The following KIAA0319 variants were observed in gnomAD, a reference collection of about 807,000 sequenced individuals.
KIAA0319 encodes the protein KIAA0319.
A neutral mutation model predicts 108.4 loss-of-function variants in KIAA0319; 83 were observed. That is an observed-to-expected ratio of 0.77 (90% CI 0.64 to 0.92). The LOEUF (loss-of-function observed/expected upper bound fraction) is 0.92, where lower values mean the gene tolerates loss of function less well. Among genes scored for constraint, KIAA0319 ranks in the 40% least tolerant of loss-of-function variants. The pLI, the probability that KIAA0319 is intolerant of heterozygous loss-of-function variation, is 0.00. For missense variants in KIAA0319, 1,195 were observed against 1,322.4 expected (o/e 0.90, Z 1.49); for synonymous variants, 484 against 510.4 (o/e 0.95, Z 0.70).
intron 3 of KIAA0319, 146 bp downstream of exon 3, chr6:24,595,727 G>A: frequency 1.3e-6 from 1 of 774,494 alleles, no homozygotes; most frequent in African/African-American, 1.7e-5. Context: ...CATCTTTCTT[G>A]CCACCACCTG....
chr6:24,645,169 C>G (rs1279418774), intron 1 of KIAA0319, among the ~76,000 whole-genome samples: 1 of 151,936 alleles, frequency 6.6e-6, no homozygotes, highest in Admixed American at 6.6e-5. Context: ...TCAATTCAAG[C>G]AGTGGAAAAA....
intron 6 of KIAA0319, 113 bp downstream of exon 6, chr6:24,582,136 A>C (rs1303345611): frequency 1.5e-6 from 1 of 684,594 alleles, no homozygotes; most frequent in Non-Finnish European, 2.7e-6. Context: ...ACAGAGCAAG[A>C]CTCTGTCCCC....
intron 10 of KIAA0319, among the ~76,000 whole-genome samples, chr6:24,573,786 C>A (rs1765071281): frequency 6.6e-6 from 1 of 151,846 alleles, no homozygotes; most frequent in Non-Finnish European, 1.5e-5. Context: ...TTTTTTTTAA[C>A]CACAAGAGGC....
rs1158770620 is a variant in KIAA0319 at position 24,595,815 on chromosome 6, C to G, written c.801+58G>C. The G allele has an allele frequency of 2.0e-6, 3 of 1,524,774 alleles. No individual in the cohort carries two copies. The East Asian group carries it at 6.8e-5, about 35-fold the overall frequency. 94.5% of individuals were successfully genotyped at this position (1,524,774 alleles called of 1,614,324 possible). A position where few individuals can be genotyped will look rare whatever the true frequency, so the allele number is the denominator to read the frequency against. On this transcript the variant is annotated intron_variant, in intron 3 of 20. Coordinates refer to ENST00000378214, the MANE Select transcript of KIAA0319 (RefSeq NM_014809.4). The stretch of plus-strand genomic sequence containing the variant: ...GCCCGGCTCCTGAAACTCAGCCCCT[C>G]CTACGGTCTGCCCCACTCAGCCCAT...
At position 24,599,070 on chromosome 6, in the gene KIAA0319, TG is replaced by T. The variant is rs918698253; in HGVS notation, c.55+1978del. On this transcript the variant is annotated intron_variant, in intron 2 of 20. Coordinates refer to ENST00000378214, the MANE Select transcript of KIAA0319 (RefSeq NM_014809.4). The surrounding 1 kb of genome is among the most constrained non-coding windows in gnomAD (Gnocchi z 4.1). Reference sequence around the variant, plus strand: ...GATCCAGGAGCTGCAGTCCCAGATCTGGGACACATCTGTGGTGCTGTCCATG... The same window carrying T: ...GATCCAGGAGCTGCAGTCCCAGATCTGGACACATCTGTGGTGCTGTCCATG... 2.7e-6 allele frequency: 2 copies of T among 742,790 alleles called. No individual in the cohort carries two copies. The highest frequency in any genetic ancestry group is 4.7e-6 in the Non-Finnish European group (2 of 423,476). 46.0% of individuals were successfully genotyped at this position (742,790 alleles called of 1,614,324 possible). A position where few individuals can be genotyped will look rare whatever the true frequency, so the allele number is the denominator to read the frequency against.
At chr6:24,588,020 T>A (rs1040540823) in intron 4 of KIAA0319, among the ~76,000 whole-genome samples, 4 of 152,268 alleles carry the variant, frequency 2.6e-5, no homozygotes, top group African/African-American at 9.6e-5. Context: ...CTTGTCCTGC[T>A]TACCACTCCA....
At chr6:24,562,254 C>G (rs1763208208) in intron 16 of KIAA0319, among the ~76,000 whole-genome samples, 1 of 152,230 alleles carries the variant, frequency 6.6e-6, no homozygotes, top group African/African-American at 2.4e-5. Context: ...TTTTGCTGAT[C>G]TGTCCAAGAA....
chr6:24,641,389 T>A (rs1311396964), intron 1 of KIAA0319, among the ~76,000 whole-genome samples: 2 of 152,166 alleles, frequency 1.3e-5, no homozygotes, highest in Admixed American at 1.3e-4. Context: ...TAGAAGGAGA[T>A]TAAAGGATAC....
downstream of KIAA0319, among the ~76,000 whole-genome samples, chr6:24,541,178 G>A (rs899587468): frequency 1.3e-5 from 2 of 151,988 alleles, no homozygotes; most frequent in Admixed American, 6.5e-5. Flanking sequence ...TAAGTGAATC[G>A]CTCAATGAAT....
At chr6:24,598,953 G>T in intron 2 of KIAA0319, 1 of 610,186 alleles carries the variant, frequency 1.6e-6, no homozygotes, top group Non-Finnish European at 3.0e-6. Flanking sequence ...GGATGTGGAT[G>T]AAGCTTACAT....
chr6:24,579,693 A>G (rs1259072553), intron 8 of KIAA0319, among the ~76,000 whole-genome samples, 165 bp downstream of exon 8: 2 of 151,974 alleles, frequency 1.3e-5, no homozygotes, highest in African/African-American at 4.8e-5. Context: ...TAAGCACAGG[A>G]TAGAGGAGCT....
chr6:24,583,901 TA>T (rs1391068062), intron 4 of KIAA0319, among the ~76,000 whole-genome samples, 199 bp from the exon 5 acceptor site: 2 of 152,238 alleles, frequency 1.3e-5, no homozygotes, highest in African/African-American at 4.8e-5. Context: ...TACAGGGTTT[TA>T]AACCACAAAT....
At chr6:24,614,238 C>A (rs1472374064) in intron 1 of KIAA0319, among the ~76,000 whole-genome samples, 11 of 152,182 alleles carry the variant, frequency 7.2e-5, no homozygotes. Context: ...GGAGAGGAAG[C>A]AAATGCTCCC....
At chr6:24,600,996 T>G in intron 2 of KIAA0319, 53 bp downstream of exon 2, 1 of 1,609,498 alleles carries the variant, frequency 6.2e-7, no homozygotes, top group Non-Finnish European at 8.5e-7. Context: ...TTGCTTACAC[T>G]AGTCAAGAAA....
At chr6:24,581,337 G>A (rs1171998287) in intron 6 of KIAA0319, among the ~76,000 whole-genome samples, 2 of 152,184 alleles carry the variant, frequency 1.3e-5, no homozygotes, top group Non-Finnish European at 2.9e-5. Context: ...TGGTGCATTG[G>A]TTGCCGGTGG....
chr6:24,562,494 C>T (rs1763239158), intron 16 of KIAA0319, among the ~76,000 whole-genome samples: 1 of 152,136 alleles, frequency 6.6e-6, no homozygotes, highest in Non-Finnish European at 1.5e-5. Flanking sequence ...TTTTCATTCC[C>T]ATATTCTTTT....
intron 20 of KIAA0319, 88 bp downstream of exon 20, chr6:24,551,346 C>T: frequency 5.8e-6 from 5 of 864,966 alleles, no homozygotes; most frequent in South Asian, 4.2e-5. Context: ...TCCAGCAAAT[C>T]GTTCTCCCTC....
Position 24,583,716 on chromosome 6 carries a change from A to G in KIAA0319, c.995-14T>C, listed in dbSNP as rs370551823. ...TAAGTTCTTTCACTAAAAGTTAATT[A>G]GAAATAATACGTGCAATTATATAAT... On this transcript the variant is annotated splice_polypyrimidine_tract_variant and intron_variant, in intron 4 of 20. Transcript: ENST00000378214. 8.8e-5 allele frequency: 130 copies of G among 1,474,102 alleles called. No individual in the cohort carries two copies. The highest frequency in any genetic ancestry group is 8.7e-5 in the Non-Finnish European group (92 of 1,053,090). The allele number at this position is 1,474,102 out of a possible 1,614,324, so 91.3% of individuals were successfully genotyped here. A position where few individuals can be genotyped will look rare whatever the true frequency, so the allele number is the denominator to read the frequency against.
rs910834773 is a variant in KIAA0319 at position 24,632,506 on chromosome 6, A to T, written c.-106+13230T>A. ...TTTCAGCACTTTCTCTCGCCAAAGC[A>T]GTTGATAAATCATTCATGAGGCACA... is the stretch of plus-strand genomic sequence containing the variant. On this transcript the variant is annotated intron_variant, in intron 1 of 20. Transcript: ENST00000378214. Among the ~76,000 whole-genome samples, 4 of 152,242 alleles carry T rather than the reference A, an allele frequency of 2.6e-5. No homozygotes were observed. The East Asian group carries it at 7.7e-4, about 29-fold the overall frequency.
Sources: allele counts gnomAD v4.1 joint callset (sites outside exome capture counted in the v4.1 genomes callset), GRCh38; gene constraint gnomAD v4.1.1; non-coding constraint Gnocchi (gnomAD v3.1); transcripts MANE v1.5; gene names NCBI Gene and HGNC (gene_info 2026-07-23, HGNC 2026-07-21).